Variants in FAM81B observed in about 807,000 individuals in gnomAD.
FAM81B encodes protein FAM81B.
In FAM81B, 60 loss-of-function variants were observed where a neutral mutation model predicts 58.7. The observed-to-expected ratio is 1.02, with a 90% CI of 0.83 to 1.27. The LOEUF (loss-of-function observed/expected upper bound fraction) is 1.27, where lower values mean the gene tolerates loss of function less well. Among genes scored for constraint, FAM81B ranks in the 50% most tolerant of loss-of-function variants. The probability of loss-of-function intolerance (pLI) is 0.00; values close to 1 mark genes in which losing one functional copy is unlikely to be tolerated. For synonymous variants in FAM81B, 189 were observed against 179.6 expected, an observed-to-expected ratio of 1.05 and a Z score of -0.42; for missense variants, 491 against 522.0, an observed-to-expected ratio of 0.94 and a Z score of 0.58.
intron 5 of FAM81B, among the ~76,000 whole-genome samples, chr5:95,422,984 C>A (rs1762727377): frequency 6.6e-6 from 1 of 152,178 alleles, no homozygotes; most frequent in Non-Finnish European, 1.5e-5. Context: ...CAATCTGAGA[C>A]AGAATTTGGC....
At chr5:95,437,395 G>A (rs1376884613) in intron 7 of FAM81B, among the ~76,000 whole-genome samples, 1 of 152,050 alleles carries the variant, frequency 6.6e-6, no homozygotes, top group East Asian at 1.9e-4. Flanking sequence ...GCCCAGGCTG[G>A]AGTGCAGTGG....
chr5:95,418,141 C>T (rs1261556452), intron 4 of FAM81B, among the ~76,000 whole-genome samples: 1 of 152,168 alleles, frequency 6.6e-6, no homozygotes, highest in Non-Finnish European at 1.5e-5. Context: ...TCATCCCACC[C>T]ATGGTGTGAA....
intron 3 of FAM81B, among the ~76,000 whole-genome samples, chr5:95,397,628 C>G (rs1761998323): frequency 6.6e-6 from 1 of 152,154 alleles, no homozygotes; most frequent in African/African-American, 2.4e-5. Flanking sequence ...TTTTGGATTT[C>G]TTTGGCTTTC....
chr5:95,431,694 AT>A (rs1334631889), intron 6 of FAM81B, among the ~76,000 whole-genome samples: 1 of 151,950 alleles, frequency 6.6e-6, no homozygotes, highest in Non-Finnish European at 1.5e-5. Flanking sequence ...TATTAAATGT[AT>A]TTTGAGATTT....
intron 3 of FAM81B, among the ~76,000 whole-genome samples, chr5:95,407,360 CTGAG>C (rs1176418773): frequency 4.0e-5 from 6 of 149,060 alleles, no homozygotes; most frequent in South Asian, 4.3e-4. Context: ...TGAAAGCTAC[CTGAG>C]TGATTCCAAA....
At chr5:95,413,911 A>T in intron 3 of FAM81B, 36 bp from the exon 4 acceptor site, 1 of 1,571,866 alleles carries the variant, frequency 6.4e-7, no homozygotes, top group South Asian at 1.2e-5. Flanking sequence ...TCATTCTTGT[A>T]ATGCCCTGGT....
chr5:95,412,618 C>T (rs1294662333), intron 3 of FAM81B, among the ~76,000 whole-genome samples: 1 of 152,160 alleles, frequency 6.6e-6, no homozygotes, highest in East Asian at 1.9e-4. Context: ...TTATTGATGA[C>T]ACCTTGAGAT....
chr5:95,418,020 A>G (rs1270349262), intron 4 of FAM81B, among the ~76,000 whole-genome samples: 1 of 152,162 alleles, frequency 6.6e-6, no homozygotes, highest in Non-Finnish European at 1.5e-5. Context: ...ACTTTCTGTG[A>G]TTTCAAAAGT....
rs535372208 is a variant in FAM81B, at chr5:95,406,160, T to A, written c.294-7787T>A. 1.9e-5 allele frequency: 3 copies of A among 154,506 alleles called. No individual in the cohort carries two copies. In the Admixed American group the frequency reaches 2.0e-4, roughly 10 times the overall value. 9.6% of individuals were successfully genotyped at this position (154,506 alleles called of 1,614,324 possible). A position where few individuals can be genotyped will look rare whatever the true frequency, so the allele number is the denominator to read the frequency against. On this transcript the variant is annotated intron_variant, in intron 3 of 9. Coordinates refer to ENST00000283357, the MANE Select transcript of FAM81B (RefSeq NM_152548.3). The stretch of plus-strand genomic sequence containing the variant: ...CTCTTGTCCCAGGCCAACGCAGCCA[T>A]CTGATTCAGGTTGGGTTGCCCAGGG...
intron 3 of FAM81B, among the ~76,000 whole-genome samples, chr5:95,408,929 C>G (rs1409129900): frequency 6.6e-6 from 1 of 152,194 alleles, no homozygotes; most frequent in Non-Finnish European, 1.5e-5. Context: ...TTATCCCAAA[C>G]AGTAGCCACT....
chr5:95,400,843 G>T (rs866802079), intron 3 of FAM81B, among the ~76,000 whole-genome samples: 2 of 151,952 alleles, frequency 1.3e-5, no homozygotes, highest in African/African-American at 4.8e-5. Context: ...GTTAGCTTGT[G>T]ACAGAGATAG....
At chr5:95,431,306 T>G (rs1403807299) in intron 6 of FAM81B, among the ~76,000 whole-genome samples, 1 of 152,114 alleles carries the variant, frequency 6.6e-6, no homozygotes, top group Non-Finnish European at 1.5e-5. Flanking sequence ...TGTTTACACT[T>G]AAATCCTTCG....
At chr5:95,430,646 G>T (rs896326915) in intron 6 of FAM81B, among the ~76,000 whole-genome samples, 1 of 151,978 alleles carries the variant, frequency 6.6e-6, no homozygotes, top group African/African-American at 2.4e-5. Flanking sequence ...ATGTCATTTT[G>T]TATGCGTATA....
chr5:95,429,314 C>G (rs1744779898), intron 6 of FAM81B, among the ~76,000 whole-genome samples: 1 of 152,150 alleles, frequency 6.6e-6, no homozygotes, highest in African/African-American at 2.4e-5. Context: ...CTCTTTTCTG[C>G]CTGAAGTGTC....
At chr5:95,446,025 T>A (rs931452183) in intron 7 of FAM81B, among the ~76,000 whole-genome samples, 7 of 152,274 alleles carry the variant, frequency 4.6e-5, no homozygotes, top group African/African-American at 1.7e-4. Context: ...TTACATAAAG[T>A]TTGATTAGAC....
At chr5:95,431,547 A>C (rs1282703464) in intron 6 of FAM81B, among the ~76,000 whole-genome samples, 1 of 152,022 alleles carries the variant, frequency 6.6e-6, no homozygotes, top group Admixed American at 6.6e-5. Flanking sequence ...ATTTGTAAAT[A>C]AATTTTAGAA....
chr5:95,436,736 A>T (rs1285173333), intron 6 of FAM81B, 64 bp from the exon 7 acceptor site: 1 of 1,045,882 alleles, frequency 9.6e-7, no homozygotes, highest in East Asian at 2.4e-5. Flanking sequence ...AAAGGAATAA[A>T]GTATATTAAT....
intron 3 of FAM81B, among the ~76,000 whole-genome samples, chr5:95,408,139 AAG>A (rs1468281568): frequency 1.4e-5 from 2 of 138,512 alleles, no homozygotes; most frequent in Non-Finnish European, 3.2e-5. Context: ...AAGAGAGAGA[AAG>A]AGAAGAATCT....
At chr5:95,426,834 G>A (rs2152766535) in intron 5 of FAM81B, among the ~76,000 whole-genome samples, 1 of 152,252 alleles carries the variant, frequency 6.6e-6, no homozygotes, top group African/African-American at 2.4e-5. Context: ...CGATCACGAG[G>A]TCAGGAGCTC....
Sources: allele counts gnomAD v4.1 joint callset (sites outside exome capture counted in the v4.1 genomes callset), GRCh38; gene constraint gnomAD v4.1.1; transcripts MANE v1.5; gene names NCBI Gene and HGNC (gene_info 2026-07-23, HGNC 2026-07-21).